ABCA13: variants seen among roughly 807,000 people sequenced by gnomAD.
ABCA13 encodes ATP-binding cassette sub-family A member 13.
A neutral mutation model predicts 478.7 loss-of-function variants in ABCA13; 476 were observed. That is an observed-to-expected ratio of 0.99 (90% confidence interval 0.92 to 1.07). ABCA13 has a LOEUF of 1.07. Ranked by LOEUF, ABCA13 falls within the 50% of genes least tolerant of loss-of-function variation. The pLI is 0.00. For synonymous variants in ABCA13, 2,252 were observed against 2,158.9 expected (o/e 1.04, Z -1.20); for missense variants, 6,060 against 5,910.6 (o/e 1.03, Z -0.83).
chr7:48,550,144 G>A (rs905121613), intron 55 of ABCA13, among the ~76,000 whole-genome samples: 1 of 151,846 alleles, frequency 6.6e-6, no homozygotes, highest in South Asian at 2.1e-4. Flanking sequence ...ATAGGCAGAT[G>A]AAGCATAGCT....
At chr7:48,601,621 A>G (rs946073459) in intron 58 of ABCA13, among the ~76,000 whole-genome samples, 2 of 152,184 alleles carry the variant, frequency 1.3e-5, no homozygotes, top group Non-Finnish European at 2.9e-5. Context: ...CCAGTCTATC[A>G]TTGATGGGCA....
At chr7:48,584,531 T>C (rs895929354) in intron 56 of ABCA13, among the ~76,000 whole-genome samples, 37 of 152,128 alleles carry the variant, frequency 2.4e-4, no homozygotes, top group African/African-American at 8.7e-4. Context: ...ATTGAGCCCA[T>C]GTGGGTGAGT....
chr7:48,263,292 A>G (rs886685885), intron 15 of ABCA13, among the ~76,000 whole-genome samples: 3 of 151,952 alleles, frequency 2.0e-5, no homozygotes, highest in African/African-American at 7.2e-5. Flanking sequence ...TCCTTTTCCT[A>G]TTAGAACAAA....
chr7:48,183,248 T>A (rs972890463), intron 1 of ABCA13, among the ~76,000 whole-genome samples: 2 of 152,188 alleles, frequency 1.3e-5, no homozygotes, highest in Non-Finnish European at 2.9e-5. Context: ...TGGTTTTTAG[T>A]TGCAACCAAA....
At chr7:48,297,622 A>G (rs1332287214) in intron 22 of ABCA13, among the ~76,000 whole-genome samples, 1 of 152,150 alleles carries the variant, frequency 6.6e-6, no homozygotes, top group Non-Finnish European at 1.5e-5. Flanking sequence ...CAACTCATGA[A>G]GCTTCTTGTA....
chr7:48,316,973 A>G (rs1048237239), intron 26 of ABCA13, among the ~76,000 whole-genome samples, 184 bp from the exon 27 acceptor site: 4 of 152,150 alleles, frequency 2.6e-5, no homozygotes, highest in African/African-American at 9.7e-5. Flanking sequence ...TGGGGATCAA[A>G]TTTCAACTTG....
At chr7:48,292,097 C>T (rs950499876) in intron 20 of ABCA13, among the ~76,000 whole-genome samples, 1 of 152,114 alleles carries the variant, frequency 6.6e-6, no homozygotes, top group Non-Finnish European at 1.5e-5. Flanking sequence ...TCCAAATTTC[C>T]TTCTCCAGCC....
chr7:48,285,971 G>A (rs560191117), intron 19 of ABCA13, among the ~76,000 whole-genome samples: 1 of 152,328 alleles, frequency 6.6e-6, no homozygotes, highest in African/African-American at 2.4e-5. Flanking sequence ...TGGAAAGCAT[G>A]ACTTTGGATA....
intron 53 of ABCA13, among the ~76,000 whole-genome samples, chr7:48,520,595 C>T (rs1351704181): frequency 1.3e-5 from 2 of 151,894 alleles, no homozygotes; most frequent in African/African-American, 4.8e-5. Flanking sequence ...GGTACATGTG[C>T]ACAATGTGCA....
intron 42 of ABCA13, among the ~76,000 whole-genome samples, chr7:48,430,494 T>C (rs1363318779): frequency 6.6e-6 from 1 of 151,982 alleles, no homozygotes; most frequent in Admixed American, 6.6e-5. Flanking sequence ...GCCAACATGG[T>C]GAAACCCCGT....
At position 48,372,874 on chromosome 7, in the gene ABCA13, C is replaced by A. The variant is rs529279142; in HGVS notation, c.11133+377C>A. On this transcript the variant is annotated intron_variant, in intron 33 of 61. Coordinates refer to ENST00000435803, the MANE Select transcript of ABCA13 (RefSeq NM_152701.5). ...TTTCTTGAAACATTATGAATTACAT[C>A]ACATTAAGTGGAAAAATCTCTCTGT... is the stretch of plus-strand genomic sequence containing the variant. Among the ~76,000 whole-genome samples the A allele has an allele frequency of 4.6e-5, 7 of 152,260 alleles. No individual in the cohort carries two copies. In the South Asian group the frequency reaches 1.4e-3, roughly 32 times the overall value.
chr7:48,552,172 A>C (rs1299208418), intron 55 of ABCA13, among the ~76,000 whole-genome samples: 1 of 151,324 alleles, frequency 6.6e-6, no homozygotes, highest in Non-Finnish European at 1.5e-5. Flanking sequence ...CTCATTCTGG[A>C]GGGCCTTAAA....
intron 29 of ABCA13, among the ~76,000 whole-genome samples, chr7:48,338,758 G>T (rs73097193): frequency 0.011 from 1,676 of 152,280 alleles, 12 homozygotes; most frequent in Non-Finnish European, 0.018. Context: ...GTTTATAAAA[G>T]AAATTATTAT....
intron 48 of ABCA13, among the ~76,000 whole-genome samples, chr7:48,493,899 G>A (rs1485128306): frequency 2.6e-5 from 4 of 152,140 alleles, no homozygotes; most frequent in African/African-American, 9.7e-5. Context: ...AAACTTCCCA[G>A]CTGATTCATA....
At chr7:48,207,584 C>CAT (rs890281309) in intron 3 of ABCA13, among the ~76,000 whole-genome samples, 1 of 151,990 alleles carries the variant, frequency 6.6e-6, no homozygotes, top group Non-Finnish European at 1.5e-5. Flanking sequence ...CCTAGTGACC[C>CAT]ATTTGTATGT....
In ABCA13 at chr7:48,335,549, C is replaced by T. The variant is rs1806121080; in HGVS notation, c.10113+14C>T. The T allele has an allele frequency of 6.2e-7, 1 of 1,605,484 alleles. No homozygotes were observed. Among genetic ancestry groups the T allele is most frequent in the African/African-American group, 1.3e-5 (1 of 74,806 alleles). On this transcript the variant is annotated intron_variant, in intron 28 of 61. Coordinates refer to ENST00000435803, the MANE Select transcript of ABCA13 (RefSeq NM_152701.5). ...AACCAGCTGCAGGTGAGTGGTTGGT[C>T]TTTGCCACCGAGGGATGGGGAGCTA... is the stretch of plus-strand genomic sequence containing the variant.
At chr7:48,257,296 T>G (rs1793538621) in intron 15 of ABCA13, among the ~76,000 whole-genome samples, 1 of 152,160 alleles carries the variant, frequency 6.6e-6, no homozygotes, top group South Asian at 2.1e-4. Context: ...TTTTATTTCT[T>G]TCTCTTGCCT....
At chr7:48,264,204 C>T (rs908019589) in intron 15 of ABCA13, among the ~76,000 whole-genome samples, 4 of 151,882 alleles carry the variant, frequency 2.6e-5, no homozygotes, top group Admixed American at 1.3e-4. Context: ...TCACACAATT[C>T]ACAATTTGGT....
At chr7:48,559,698 G>C (rs1474112845) in intron 55 of ABCA13, among the ~76,000 whole-genome samples, 1 of 152,136 alleles carries the variant, frequency 6.6e-6, no homozygotes, top group Admixed American at 6.5e-5. Context: ...CATATTACCT[G>C]GGTATCACTG....
Sources: gnomAD v4.1 joint callset for allele counts (sites outside exome capture counted in the v4.1 genomes callset) on GRCh38, gnomAD v4.1.1 for gene constraint, MANE v1.5 for transcripts, NCBI Gene and HGNC (gene_info 2026-07-23, HGNC 2026-07-21) for gene names.